Variants in CNTNAP2 observed in about 807,000 individuals in gnomAD.
CNTNAP2 encodes contactin associated protein 2.
CNTNAP2 carries 98 observed loss-of-function variants against 155.2 expected under a neutral mutation model. The observed-to-expected ratio is 0.63, with a 90% CI of 0.54 to 0.75. The LOEUF (loss-of-function observed/expected upper bound fraction) is 0.75, where lower values mean the gene tolerates loss of function less well. Ranked by LOEUF, CNTNAP2 falls within the 30% of genes least tolerant of loss-of-function variation. CNTNAP2 has a pLI of 0.00. For synonymous variants in CNTNAP2, 651 were observed against 631.2 expected, an observed-to-expected ratio of 1.03 and a Z score of -0.47; for missense variants, 1,727 against 1,688.1, an observed-to-expected ratio of 1.02 and a Z score of -0.40.
At position 147,486,013 on chromosome 7, in the gene CNTNAP2, A is replaced by C. The variant is rs1798503467; in HGVS notation, c.1749A>C (p.Thr583=). The C allele has an allele frequency of 6.2e-7, 1 of 1,614,004 alleles. No homozygotes were observed. Among genetic ancestry groups the C allele is most frequent in the African/African-American group, 1.3e-5 (1 of 74,922 alleles). ...WDSFKCTCDE[T]GYSGATCHNS... is the part of the protein sequence containing the mutation. ...GCTTCAAATGCACTTGTGATGAGAC[A>C]GGATACAGTGGGGCCACCTGCCACA... The change falls in exon 11 of 24, where the codon ACA becomes ACC. Residue 583 remains threonine, a synonymous_variant. Coordinates refer to ENST00000361727, the MANE Select transcript of CNTNAP2 (RefSeq NM_014141.6).
chr7:146,476,311 C>G (rs1402743210), intron 1 of CNTNAP2, among the ~76,000 whole-genome samples: 8 of 152,082 alleles, frequency 5.3e-5, no homozygotes, highest in Admixed American at 2.0e-4. Context: ...TGCTCATTAG[C>G]AATTCCATTT....
intron 1 of CNTNAP2, among the ~76,000 whole-genome samples, chr7:146,690,595 C>T (rs951430596): frequency 2.6e-5 from 4 of 152,156 alleles, no homozygotes; most frequent in Admixed American, 1.3e-4. Context: ...TTGTTTTATG[C>T]GTATGATAGC....
At chr7:147,768,052 C>T (rs1176882702) in intron 13 of CNTNAP2, among the ~76,000 whole-genome samples, 1 of 152,096 alleles carries the variant, frequency 6.6e-6, no homozygotes, top group Non-Finnish European at 1.5e-5. Context: ...AATGCTTTCA[C>T]TCTTGACAGT....
chr7:147,703,228 C>T (rs1334511878), intron 13 of CNTNAP2, among the ~76,000 whole-genome samples: 1 of 152,086 alleles, frequency 6.6e-6, no homozygotes, highest in Non-Finnish European at 1.5e-5. Flanking sequence ...AATTAGAACA[C>T]TGCAAAAACT....
chr7:147,737,696 C>T (rs992166787), intron 13 of CNTNAP2, among the ~76,000 whole-genome samples: 3 of 152,162 alleles, frequency 2.0e-5, no homozygotes, highest in Non-Finnish European at 4.4e-5. Context: ...ACTTTGTTTA[C>T]CTACTCAAGC....
chr7:147,556,238 G>A (rs372853890), intron 11 of CNTNAP2, among the ~76,000 whole-genome samples: 2 of 150,522 alleles, frequency 1.3e-5, no homozygotes, highest in African/African-American at 4.8e-5. Context: ...AACACTGGAA[G>A]CACATTAGTT....
chr7:147,368,028 TC>T (rs1781885671), intron 9 of CNTNAP2, among the ~76,000 whole-genome samples: 1 of 26,098 alleles, frequency 3.8e-5, no homozygotes, highest in African/African-American at 1.7e-4. Context: ...CCCCTCCCCC[TC>T]CTCCTCTGTC....
chr7:146,722,711 AAT>A (rs150174989), intron 1 of CNTNAP2, among the ~76,000 whole-genome samples: 46 of 148,592 alleles, frequency 3.1e-4, no homozygotes, highest in Middle Eastern at 3.5e-3. Flanking sequence ...ACACACACAA[AAT>A]ATATATATAT....
At chr7:146,663,005 C>G (rs1284056701) in intron 1 of CNTNAP2, among the ~76,000 whole-genome samples, 3 of 152,022 alleles carry the variant, frequency 2.0e-5, no homozygotes, top group Non-Finnish European at 4.4e-5. Flanking sequence ...GAGCCGGGTG[C>G]AGTGGCTTAT....
chr7:146,915,243 T>C (rs1243419957), intron 3 of CNTNAP2, among the ~76,000 whole-genome samples: 1 of 152,114 alleles, frequency 6.6e-6, no homozygotes, highest in Non-Finnish European at 1.5e-5. Context: ...AGTAGGGTAA[T>C]GTAATGCCTC....
Position 147,495,696 on chromosome 7 carries a change from T to C in CNTNAP2, c.1777+9655T>C, listed in dbSNP as rs372351526. Among the ~76,000 whole-genome samples, 30 of 152,350 alleles carry C rather than the reference T, an allele frequency of 2.0e-4. 2 individuals are homozygous for C. Among genetic ancestry groups the C allele is most frequent in the African/African-American group, 7.2e-4 (30 of 41,586 alleles). ...AAGCTGGCCCAGAAGACAGTGGTTT[T>C]TCAGCACCGCTGTAACAAAGCATAA... is the stretch of plus-strand genomic sequence containing the variant. On this transcript the variant is annotated intron_variant, in intron 11 of 23. Coordinates refer to ENST00000361727, the MANE Select transcript of CNTNAP2 (RefSeq NM_014141.6).
chr7:147,154,702 C>T (rs984710532), intron 8 of CNTNAP2, among the ~76,000 whole-genome samples: 1 of 151,982 alleles, frequency 6.6e-6, no homozygotes, highest in African/African-American at 2.4e-5. Context: ...TTTTAAACTG[C>T]CACCCCCTAA....
chr7:148,249,582 T>A (rs1338467457), intron 20 of CNTNAP2, among the ~76,000 whole-genome samples: 1 of 152,216 alleles, frequency 6.6e-6, no homozygotes, highest in African/African-American at 2.4e-5. Context: ...ATCTAACTGA[T>A]TCTTGATGTC....
intron 11 of CNTNAP2, among the ~76,000 whole-genome samples, chr7:147,541,307 C>T (rs1422612130): frequency 1.3e-5 from 2 of 152,176 alleles, no homozygotes; most frequent in African/African-American, 4.8e-5. Context: ...CCTTCTGTTA[C>T]TTTAATTGCT....
intron 11 of CNTNAP2, among the ~76,000 whole-genome samples, chr7:147,511,305 T>C (rs938650436): frequency 2.6e-4 from 39 of 152,174 alleles, no homozygotes; most frequent in African/African-American, 9.4e-4. Flanking sequence ...CTTTTTGTTC[T>C]GATCTTCATA....
chr7:148,337,690 G>A (rs1798144281), intron 21 of CNTNAP2, among the ~76,000 whole-genome samples: 1 of 152,208 alleles, frequency 6.6e-6, no homozygotes, highest in South Asian at 2.1e-4. Flanking sequence ...GAGTGAAAAA[G>A]GAATGGGTTT....
At chr7:147,716,388 G>A (rs1584916463) in intron 13 of CNTNAP2, among the ~76,000 whole-genome samples, 1 of 152,054 alleles carries the variant, frequency 6.6e-6, no homozygotes, top group Non-Finnish European at 1.5e-5. Context: ...CTTTATAGGT[G>A]AGCTGGTGGT....
At chr7:148,261,530 T>G (rs1208826534) in intron 20 of CNTNAP2, among the ~76,000 whole-genome samples, 4 of 152,120 alleles carry the variant, frequency 2.6e-5, no homozygotes, top group African/African-American at 9.7e-5. Context: ...GGAGGTGGCG[T>G]GTTCTGAAGC....
intron 3 of CNTNAP2, among the ~76,000 whole-genome samples, chr7:147,020,168 A>C (rs1584786972): frequency 6.6e-6 from 1 of 152,180 alleles, no homozygotes; most frequent in East Asian, 1.9e-4. Flanking sequence ...GATGATCCCA[A>C]ATCCTAGGAT....
Sources: allele counts gnomAD v4.1 joint callset (sites outside exome capture counted in the v4.1 genomes callset), GRCh38; gene constraint gnomAD v4.1.1; transcripts MANE v1.5; gene names NCBI Gene and HGNC (gene_info 2026-07-23, HGNC 2026-07-21).